SGIP1: variants seen among roughly 807,000 people sequenced by gnomAD.
SGIP1 encodes SH3GL interacting endocytic adaptor 1, also known as SH3-containing GRB2-like protein 3-interacting protein 1.
A neutral mutation model predicts 107.5 loss-of-function variants in SGIP1; 38 were observed. The ratio of observed to expected loss-of-function variants is 0.35; its 90% CI spans 0.27 to 0.46. The LOEUF is 0.46. SGIP1 is among the 20% of genes least tolerant of loss of function. SGIP1 has a pLI of 1.00. For synonymous variants in SGIP1, 365 were observed against 366.1 expected (o/e 1.00, Z 0.03); for missense variants, 929 against 1,019.5 (o/e 0.91, Z 1.21).
At chr1:66,646,539 T>G (rs189794059) in intron 7 of SGIP1, among the ~76,000 whole-genome samples, 1 of 152,340 alleles carries the variant, frequency 6.6e-6, no homozygotes, top group East Asian at 1.9e-4. Flanking sequence ...TTTGTTAATA[T>G]GTATCCATGA....
intron 1 of SGIP1, among the ~76,000 whole-genome samples, chr1:66,614,520 G>C (rs1164051169): frequency 6.6e-6 from 1 of 152,078 alleles, no homozygotes; most frequent in Non-Finnish European, 1.5e-5. Flanking sequence ...AGCATATACT[G>C]CATATTAATT....
At chr1:66,574,424 T>A (rs146464525) in intron 1 of SGIP1, among the ~76,000 whole-genome samples, 2 of 152,260 alleles carry the variant, frequency 1.3e-5, no homozygotes, top group East Asian at 3.9e-4. Context: ...TTGGTGCTTA[T>A]CTCCAACTCT....
chr1:66,590,645 A>T (rs2063473215), intron 1 of SGIP1: 1 of 152,206 alleles, frequency 6.6e-6, no homozygotes, highest in South Asian at 2.1e-4. Context: ...ATCGTAGGAT[A>T]TTATTCAGTG....
chr1:66,685,416 A>G (rs960404861), intron 15 of SGIP1, among the ~76,000 whole-genome samples: 1 of 152,210 alleles, frequency 6.6e-6, no homozygotes, highest in Non-Finnish European at 1.5e-5. Context: ...ACTTTACTGG[A>G]ATGCTGGTTC....
chr1:66,650,747 G>A (rs1314038418), intron 7 of SGIP1, among the ~76,000 whole-genome samples: 1 of 152,092 alleles, frequency 6.6e-6, no homozygotes, highest in Non-Finnish European at 1.5e-5. Flanking sequence ...CAAATGCTAT[G>A]GTTTAATCTT....
intron 12 of SGIP1, among the ~76,000 whole-genome samples, chr1:66,674,894 T>C (rs1265434047): frequency 1.3e-5 from 2 of 152,240 alleles, no homozygotes; most frequent in Non-Finnish European, 2.9e-5. Flanking sequence ...AACTGGAGAA[T>C]GAATTCTGGG....
chr1:66,723,978 T>C (rs943737088), intron 19 of SGIP1, among the ~76,000 whole-genome samples: 2 of 152,204 alleles, frequency 1.3e-5, no homozygotes, highest in Non-Finnish European at 2.9e-5. Flanking sequence ...AGGCCTTCTT[T>C]TGAACTTAGT....
At chr1:66,659,458 C>A (rs1315009421) in intron 7 of SGIP1, among the ~76,000 whole-genome samples, 1 of 152,188 alleles carries the variant, frequency 6.6e-6, no homozygotes, top group Admixed American at 6.5e-5. Flanking sequence ...TCTGGGTTCC[C>A]TGGAGAAACT....
chr1:66,702,151 G>T (rs1403843232), intron 18 of SGIP1, among the ~76,000 whole-genome samples: 1 of 152,164 alleles, frequency 6.6e-6, no homozygotes, highest in Non-Finnish European at 1.5e-5. Flanking sequence ...TAGGAAGTGG[G>T]TACTATTGTT....
In SGIP1 at chr1:66,726,342, G is replaced by A. The variant is rs541882890; in HGVS notation, c.1743-2922G>A. 1.4e-4 allele frequency among the ~76,000 whole-genome samples: 21 copies of A among 152,292 alleles called. No individual in the cohort carries two copies. In the South Asian group the frequency reaches 4.1e-3, roughly 30 times the overall value. ...CAGTCAGTAAAGGGTGAATTGGAACGGGGAGGCAATGATTGATTTTATATA... is the reference window on the plus strand; with the variant it reads ...CAGTCAGTAAAGGGTGAATTGGAACAGGGAGGCAATGATTGATTTTATATA... On this transcript the variant is annotated intron_variant, in intron 19 of 24. Coordinates refer to ENST00000371037, the MANE Select transcript of SGIP1 (RefSeq NM_032291.4).
chr1:66,740,862 A>T, intron 23 of SGIP1, 140 bp downstream of exon 23: 1 of 612,236 alleles, frequency 1.6e-6, no homozygotes, highest in South Asian at 2.2e-5. Context: ...TATTTCAATT[A>T]ATAAAAGCAA....
intron 1 of SGIP1, among the ~76,000 whole-genome samples, chr1:66,539,375 A>G (rs2054352068): frequency 6.6e-6 from 1 of 152,150 alleles, no homozygotes; most frequent in Non-Finnish European, 1.5e-5. Flanking sequence ...CATGGGAGAG[A>G]GACTGGGGAA....
intron 9 of SGIP1, among the ~76,000 whole-genome samples, chr1:66,668,592 G>C (rs2083102936): frequency 6.6e-6 from 1 of 152,162 alleles, no homozygotes; most frequent in Admixed American, 6.5e-5. Context: ...TGGAACTGAA[G>C]ACAACACTCT....
At position 66,729,295 on chromosome 1, in the gene SGIP1, T is replaced by G. The variant is rs532647612; in HGVS notation, c.1774T>G (p.Leu592Val). The G allele has an allele frequency of 1.2e-6, 2 of 1,614,102 alleles. No homozygotes were observed. The highest frequency in any genetic ancestry group is 1.3e-5 in the African/African-American group (1 of 75,026). The change falls in exon 20 of 25, where the codon TTG becomes GTG. Residue 592 changes from leucine (L) to valine (V), a missense_variant. Leu to Val is a conservative substitution (Grantham distance 32). Transcript: ENST00000371037. ...CIVKITGEMV[L>V]SFPAGITRHF... ...CGTTAAGATTACCGGAGAAATGGTG[T>G]TGTCATTTCCTGCTGGCATCACCAG...
At chr1:66,684,132 T>C (rs1001965244) in intron 15 of SGIP1, 71 of 1,550,476 alleles carry the variant, frequency 4.6e-5, no homozygotes, top group Non-Finnish European at 6.0e-5. Flanking sequence ...CTCAGAGATA[T>C]CAAGTAATTT....
At chr1:66,636,267 G>A (rs2075758242) in intron 4 of SGIP1, among the ~76,000 whole-genome samples, 1 of 152,116 alleles carries the variant, frequency 6.6e-6, no homozygotes, top group Non-Finnish European at 1.5e-5. Flanking sequence ...CTGTTTCATC[G>A]ACAAAGGACA....
At chr1:66,645,551 G>A (rs1028452139) in intron 7 of SGIP1, among the ~76,000 whole-genome samples, 4 of 152,120 alleles carry the variant, frequency 2.6e-5, no homozygotes, top group Non-Finnish European at 5.9e-5. Flanking sequence ...AACCAACAAC[G>A]CCACAGACCA....
At chr1:66,555,967 C>T (rs1264665641) in intron 1 of SGIP1, among the ~76,000 whole-genome samples, 6 of 152,042 alleles carry the variant, frequency 3.9e-5, no homozygotes, top group African/African-American at 1.4e-4. Context: ...GGATTTGAAC[C>T]CCGCGATTCT....
At chr1:66,660,628 G>T in intron 8 of SGIP1, 104 bp downstream of exon 8, 2 of 1,099,718 alleles carry the variant, frequency 1.8e-6, no homozygotes, top group Non-Finnish European at 2.8e-6. Flanking sequence ...CCTAAACAAG[G>T]TTTTGAACTT....
Sources: allele counts gnomAD v4.1 joint callset (sites outside exome capture counted in the v4.1 genomes callset), GRCh38; gene constraint gnomAD v4.1.1; transcripts MANE v1.5; gene names NCBI Gene and HGNC (gene_info 2026-07-23, HGNC 2026-07-21).